Variants in PTDSS1 observed in about 807,000 individuals in gnomAD.
PTDSS1 encodes the protein phosphatidylserine synthase 1.
PTDSS1 carries 45 observed loss-of-function variants against 70.5 expected under a neutral mutation model. That is an observed-to-expected ratio of 0.64 (90% CI 0.50 to 0.82). The LOEUF (loss-of-function observed/expected upper bound fraction) is 0.82. PTDSS1 is among the 40% of genes least tolerant of loss of function. The probability of loss-of-function intolerance (pLI) is 0.00; values close to 1 mark genes in which losing one functional copy is unlikely to be tolerated. For synonymous variants in PTDSS1, 188 were observed against 203.8 expected (o/e 0.92, Z 0.66); for missense variants, 417 against 586.1 (o/e 0.71, Z 2.98).
rs1290851350 is a variant in PTDSS1, at chr8:96,335,498, T to C, written c.*1932T>C. On this transcript the variant is annotated 3_prime_UTR_variant, in exon 13 of 13. Transcript: ENST00000517309. ...TCGCCTTGTTGCAACTGATGGAGCA[T>C]GTGTGCTTCCTCTGAGGCCAGCCTA... 6.6e-6 allele frequency: 1 copy of C among 152,258 alleles called. No individual in the cohort carries two copies. 9.4% of individuals were successfully genotyped at this position (152,258 alleles called of 1,614,324 possible).
chr8:96,273,278 A>G (rs73698557), intron 1 of PTDSS1, 21 bp from the exon 2 acceptor site: 11 of 1,548,082 alleles, frequency 7.1e-6, no homozygotes, highest in East Asian at 4.5e-5. Flanking sequence ...TAAATGCTCA[A>G]TGTTGTTTTT....
At chr8:96,321,966 C>A (rs1330265117) in intron 10 of PTDSS1, among the ~76,000 whole-genome samples, 2 of 152,190 alleles carry the variant, frequency 1.3e-5, no homozygotes, top group Non-Finnish European at 2.9e-5. Flanking sequence ...TCACTATGCT[C>A]TTCTCAGATA....
chr8:96,281,644 T>C (rs1037961779), intron 2 of PTDSS1, among the ~76,000 whole-genome samples: 2 of 152,198 alleles, frequency 1.3e-5, no homozygotes, highest in Non-Finnish European at 2.9e-5. Context: ...AGCTTGTTTC[T>C]TTCCCCTCAC....
rs1810958040 is a variant in PTDSS1 at position 96,295,207 on chromosome 8, G to A, written c.551G>A (p.Arg184His). The A allele has an allele frequency of 3.7e-6, 6 of 1,614,128 alleles. No homozygotes were observed. The highest frequency in any genetic ancestry group is 5.1e-6 in the Non-Finnish European group (6 of 1,180,008). The change falls in exon 5 of 13, where the codon CGT becomes CAT. Residue 184 changes from arginine (R) to histidine (H), a missense_variant. Arg to His is a conservative substitution (Grantham distance 29, BLOSUM62 0). Coordinates refer to ENST00000517309, the MANE Select transcript of PTDSS1 (RefSeq NM_014754.3). ...TGGGCCATGAAGGCCTTGCTGATCC[G>A]TAGTTACGGTCTCTGCTGGACAATC... The part of the protein sequence containing the change: ...WGWAMKALLI[R>H]SYGLCWTISI...
intron 5 of PTDSS1, among the ~76,000 whole-genome samples, chr8:96,297,018 C>T (rs1379885655): frequency 1.3e-5 from 2 of 152,176 alleles, no homozygotes; most frequent in Admixed American, 1.3e-4. Context: ...AGCACCCAGT[C>T]GTCCATTGAC....
In PTDSS1 at chr8:96,302,403, C is replaced by T. The variant is rs560629409; in HGVS notation, c.753-1637C>T. Among the ~76,000 whole-genome samples, 36 of 152,278 alleles carry T rather than the reference C, an allele frequency of 2.4e-4. No homozygotes were observed. The South Asian group carries it at 6.6e-3, about 28-fold the overall frequency. ...GCCATGCTTCAAGTATTGCTCCAAG[C>T]AAGCTTCACAAGCAATATCTCATTT... On this transcript the variant is annotated intron_variant, in intron 6 of 12. Transcript: ENST00000517309.
At chr8:96,267,429 T>C (rs1001051132) in intron 1 of PTDSS1, among the ~76,000 whole-genome samples, 2 of 152,162 alleles carry the variant, frequency 1.3e-5, no homozygotes, top group African/African-American at 4.8e-5. Flanking sequence ...CTCCCAACCC[T>C]TTGGGATAGC....
At chr8:96,293,909 G>A (rs1810941288) in intron 4 of PTDSS1, among the ~76,000 whole-genome samples, 1 of 152,138 alleles carries the variant, frequency 6.6e-6, no homozygotes, top group South Asian at 2.1e-4. Flanking sequence ...TTCAGCTAAG[G>A]GCATTTCCCT....
Position 96,303,215 on chromosome 8 carries a change from A to G in PTDSS1, c.753-825A>G, listed in dbSNP as rs551500484. Among the ~76,000 whole-genome samples, 4 of 151,950 alleles carry G rather than the reference A, an allele frequency of 2.6e-5. No individual in the cohort carries two copies. The East Asian group carries it at 7.7e-4, about 29-fold the overall frequency. The stretch of plus-strand genomic sequence containing the variant: ...TTTTGTAGTTCTTGTTTATTTTTGG[A>G]TAGTCTCTATTTTTTGCTGCCAGTG... On this transcript the variant is annotated intron_variant, in intron 6 of 12. Transcript: ENST00000517309.
chr8:96,279,545 G>A (rs901319903), intron 2 of PTDSS1, among the ~76,000 whole-genome samples: 7 of 151,566 alleles, frequency 4.6e-5, no homozygotes, highest in South Asian at 4.2e-4. Flanking sequence ...CCAGCCCAGC[G>A]TAGTGGCTCA....
chr8:96,296,767 G>C (rs1810982085), intron 5 of PTDSS1, among the ~76,000 whole-genome samples: 1 of 152,198 alleles, frequency 6.6e-6, no homozygotes, highest in Non-Finnish European at 1.5e-5. Context: ...GCTTCCTTAG[G>C]TGAGTTAGGA....
intron 2 of PTDSS1, among the ~76,000 whole-genome samples, chr8:96,277,663 A>G (rs930655128): frequency 2.0e-5 from 3 of 152,198 alleles, no homozygotes; most frequent in African/African-American, 7.2e-5. Context: ...GACCTGTTAA[A>G]TGCTGCCCTG....
At chr8:96,326,490 G>T (rs1033733918) in intron 10 of PTDSS1, among the ~76,000 whole-genome samples, 1 of 152,220 alleles carries the variant, frequency 6.6e-6, no homozygotes, top group Admixed American at 6.5e-5. Context: ...CGGCAGCTTC[G>T]TGGAGAATAA....
chr8:96,333,484 C>T lies in PTDSS1; in HGVS notation c.1340C>T (p.Ala447Val). The change falls in exon 13 of 13, where the codon GCA becomes GTA. Residue 447 changes from alanine (A) to valine (V), a missense_variant. Ala to Val is a moderately conservative substitution (Grantham distance 64). Coordinates refer to ENST00000517309, the MANE Select transcript of PTDSS1 (RefSeq NM_014754.3). ...TCTGAAGACAGCCCACCCAAGCATG[C>T]AGGCAACAACGAAAGCCATTCTTCC... Reference protein sequence around the residue: ...KGSEDSPPKHAGNNESHSSRR... With the variant: ...KGSEDSPPKHVGNNESHSSRR... 1 of 1,613,962 alleles carries T rather than the reference C, an allele frequency of 6.2e-7. No homozygotes were observed. The highest frequency in any genetic ancestry group is 1.1e-5 in the South Asian group (1 of 91,076).
intron 4 of PTDSS1, among the ~76,000 whole-genome samples, chr8:96,292,500 C>G (rs1810922136): frequency 6.6e-6 from 1 of 151,872 alleles, no homozygotes; most frequent in Admixed American, 6.6e-5. Context: ...GAGCTGGGAC[C>G]AGATCATGAG....
At chr8:96,309,716 A>G (rs1811179827) in intron 9 of PTDSS1, 94 bp downstream of exon 9, 1 of 1,226,516 alleles carries the variant, frequency 8.2e-7, no homozygotes. Flanking sequence ...CTTTCAGTAT[A>G]ATTTTTCTAT....
intron 10 of PTDSS1, among the ~76,000 whole-genome samples, chr8:96,324,275 C>T (rs1269555232): frequency 6.6e-6 from 1 of 152,200 alleles, no homozygotes; most frequent in Non-Finnish European, 1.5e-5. Flanking sequence ...ACCCGTAATG[C>T]TCCCTTTACA....
intron 7 of PTDSS1, 26 bp from the exon 8 acceptor site, chr8:96,306,418 T>C: frequency 1.3e-6 from 2 of 1,528,586 alleles, no homozygotes; most frequent in Non-Finnish European, 1.8e-6. Flanking sequence ...AGGTACCAGG[T>C]TGACTAATTT....
intron 11 of PTDSS1, 165 bp from the exon 12 acceptor site, chr8:96,330,861 C>T: frequency 1.7e-6 from 1 of 592,690 alleles, no homozygotes; most frequent in South Asian, 2.1e-5. Context: ...GAGGAAAGAA[C>T]CTTGTTTTTA....
Sources: gnomAD v4.1 joint callset for allele counts (sites outside exome capture counted in the v4.1 genomes callset) on GRCh38, gnomAD v4.1.1 for gene constraint, MANE v1.5 for transcripts, NCBI Gene and HGNC (gene_info 2026-07-23, HGNC 2026-07-21) for gene names.